The following RPA1 variants were observed in gnomAD, a reference collection of about 807,000 sequenced individuals.
RPA1 encodes replication protein A 70 kDa DNA-binding subunit.
RPA1 carries 49 observed loss-of-function variants against 83.0 expected under a neutral mutation model. The observed-to-expected ratio is 0.59, with a 90% CI of 0.47 to 0.75. RPA1 has a LOEUF of 0.75. RPA1 is among the 30% of genes least tolerant of loss of function. RPA1 has a pLI of 0.00. For missense variants in RPA1, 693 were observed against 776.1 expected (o/e 0.89, Z 1.27); for synonymous variants, 279 against 281.8 (o/e 0.99, Z 0.10).
intron 1 of RPA1, among the ~76,000 whole-genome samples, chr17:1,835,341 G>C: frequency 6.6e-6 from 1 of 151,412 alleles, no homozygotes; most frequent in East Asian, 1.9e-4. Context: ...ATTTTGTGTA[G>C]AGATGGGGTT....
chr17:1,872,721 T>G (rs1380721016), intron 6 of RPA1, among the ~76,000 whole-genome samples, 195 bp downstream of exon 6: 1 of 150,776 alleles, frequency 6.6e-6, no homozygotes, highest in Non-Finnish European at 1.5e-5. Flanking sequence ...TTTTTTTTTT[T>G]TTTTTTTTGG....
intron 12 of RPA1, among the ~76,000 whole-genome samples, chr17:1,881,478 C>T (rs1913795346): frequency 6.6e-6 from 1 of 152,132 alleles, no homozygotes; most frequent in Non-Finnish European, 1.5e-5. Context: ...TTTCATGAAG[C>T]ATCTTCTGGA....
intron 12 of RPA1, among the ~76,000 whole-genome samples, chr17:1,881,545 A>T (rs1456162290): frequency 6.6e-6 from 1 of 152,084 alleles, no homozygotes; most frequent in Admixed American, 6.6e-5. Flanking sequence ...TATCTGCCGA[A>T]CTGCAGGGCC....
intron 7 of RPA1, 23 bp from the exon 8 acceptor site, chr17:1,877,189 A>G (rs373046252): frequency 1.9e-6 from 3 of 1,604,556 alleles, no homozygotes; most frequent in African/African-American, 1.3e-5. Context: ...CCCATACACT[A>G]ATATGATCGA....
In RPA1 at chr17:1,888,797, C is replaced by T. The variant is rs113136393; in HGVS notation, c.1497C>T (p.Arg499=). Residue 499 remains arginine (R), a synonymous_variant, in exon 14 of 17, where the codon CGC becomes CGT. Coordinates refer to ENST00000254719, the MANE Select transcript of RPA1 (RefSeq NM_002945.5). ...TTGATCAACAGAATGGATTGTACCG[C>T]TGTGAGAAGTGCGACACCGAATTTC... ...KVIDQQNGLY[R]CEKCDTEFPN... is the part of the protein sequence containing the mutation. 12 of 1,614,070 alleles carry T rather than the reference C, an allele frequency of 7.4e-6. No homozygotes were observed. In the Admixed American group the frequency reaches 1.5e-4, roughly 20 times the overall value.
intron 11 of RPA1, 30 bp from the exon 12 acceptor site, chr17:1,880,513 A>G (rs755333076): frequency 6.2e-7 from 1 of 1,606,050 alleles, no homozygotes; most frequent in South Asian, 1.1e-5. Flanking sequence ...TGCTAGTGAC[A>G]CTTGTATATG....
chr17:1,877,385 G>C, intron 8 of RPA1, 71 bp downstream of exon 8: 1 of 1,337,396 alleles, frequency 7.5e-7, no homozygotes, highest in Non-Finnish European at 1.1e-6. Flanking sequence ...GCTCTGCGGA[G>C]GGCAGTGGGC....
At chr17:1,874,831 T>A (rs1041199584) in intron 6 of RPA1, among the ~76,000 whole-genome samples, 2 of 152,214 alleles carry the variant, frequency 1.3e-5, no homozygotes, top group Admixed American at 1.3e-4. Flanking sequence ...GCACATGCCG[T>A]GGAAACCCAG....
intron 4 of RPA1, among the ~76,000 whole-genome samples, chr17:1,845,773 A>G (rs1304820458): frequency 6.6e-6 from 1 of 152,098 alleles, no homozygotes; most frequent in Non-Finnish European, 1.5e-5. Flanking sequence ...TCTACGAAAA[A>G]AAGGAAAAGT....
Position 1,844,608 on chromosome 17 carries a change from T to G in RPA1, c.194T>G (p.Leu65Arg). 6.2e-7 allele frequency: 1 copy of G among 1,613,658 alleles called. No homozygotes were observed. The highest frequency in any genetic ancestry group is 8.5e-7 in the Non-Finnish European group (1 of 1,179,856). The change falls in exon 4 of 17, where the codon CTC (leucine) becomes CGC (arginine). Residue 65 changes from leucine (L) to arginine (R), a missense_variant. Leu to Arg is a moderately radical substitution (Grantham distance 102). Transcript: ENST00000254719. Reference protein sequence around the residue: ...SFMLATQLNPLVEEEQLSSNC... With the variant: ...SFMLATQLNPRVEEEQLSSNC... The stretch of plus-strand genomic sequence containing the variant: ...ATGTTGGCGACACAGTTGAACCCTC[T>G]CGTGGAGGAAGAACAATTGTCCAGC...
intron 13 of RPA1, among the ~76,000 whole-genome samples, chr17:1,885,474 CT>C (rs145276251): frequency 5.4e-4 from 81 of 149,240 alleles, no homozygotes; most frequent in Non-Finnish European, 9.1e-4. Flanking sequence ...ATGAATGTTC[CT>C]TTTTTTTTTA....
At chr17:1,862,194 ATTTTTTTTTT>A (rs57509401) in intron 5 of RPA1, among the ~76,000 whole-genome samples, 41,012 of 95,358 alleles carry the variant, frequency 0.43, 8,660 homozygotes, top group Non-Finnish European at 0.54. Context: ...CCCCAACCGT[ATTTTTTTTTT>A]TTTTTTTTTT....
chr17:1,867,042 G>A (rs1167290949), intron 5 of RPA1, among the ~76,000 whole-genome samples: 1 of 152,130 alleles, frequency 6.6e-6, no homozygotes, highest in Non-Finnish European at 1.5e-5. Flanking sequence ...GCTCTTTCTA[G>A]AACTGGAACC....
Position 1,879,211 on chromosome 17 carries a change from G to T in RPA1, c.760-4G>T. 1.9e-6 allele frequency: 3 copies of T among 1,612,498 alleles called. No individual in the cohort carries two copies. Among genetic ancestry groups the T allele is most frequent in the Non-Finnish European group, 2.5e-6 (3 of 1,178,984 alleles). On this transcript the variant is annotated splice_polypyrimidine_tract_variant and splice_region_variant and intron_variant, in intron 9 of 16. Coordinates refer to ENST00000254719, the MANE Select transcript of RPA1 (RefSeq NM_002945.5). Reference sequence around the variant, plus strand: ...CAGGTTCTGTGGCTTGGCCTCCTTCGCAGGTGTATTATTTCTCGAAAGGCA... The same window carrying T: ...CAGGTTCTGTGGCTTGGCCTCCTTCTCAGGTGTATTATTTCTCGAAAGGCA...
rs915740370 is a variant in RPA1, at chr17:1,898,859, C to G, written c.*1684C>G. 1 of 152,500 alleles carries G rather than the reference C, an allele frequency of 6.6e-6. No individual in the cohort carries two copies. Among genetic ancestry groups the G allele is most frequent in the African/African-American group, 2.4e-5 (1 of 41,452 alleles). 9.4% of individuals were successfully genotyped at this position (152,500 alleles called of 1,614,324 possible). ...TCTGACCTTGCTTATAAAGCATCGA[C>G]GAGAAAATTACAGTCTTCAACCCTC... On this transcript the variant is annotated 3_prime_UTR_variant, in exon 17 of 17. Transcript: ENST00000254719.
At position 1,897,214 on chromosome 17, in the gene RPA1, C is replaced by A; in HGVS notation, c.*39C>A. Reference sequence around the variant, plus strand: ...AATCGGGCAGAAGTTTGCAAATAGGCAGAATGGAATCGATTTCCTCCCACC... The same window carrying A: ...AATCGGGCAGAAGTTTGCAAATAGGAAGAATGGAATCGATTTCCTCCCACC... On this transcript the variant is annotated 3_prime_UTR_variant, in exon 17 of 17. Coordinates refer to ENST00000254719, the MANE Select transcript of RPA1 (RefSeq NM_002945.5). 3 of 1,444,914 alleles carry A rather than the reference C, an allele frequency of 2.1e-6. No homozygotes were observed. Among genetic ancestry groups the A allele is most frequent in the South Asian group, 2.5e-5 (2 of 78,762 alleles). The allele number at this position is 1,444,914 out of a possible 1,614,324, so 89.5% of individuals were successfully genotyped here.
At chr17:1,890,547 C>T (rs977084649) in intron 14 of RPA1, among the ~76,000 whole-genome samples, 4 of 152,100 alleles carry the variant, frequency 2.6e-5, no homozygotes, top group Non-Finnish European at 5.9e-5. Context: ...CCTGCAGTCC[C>T]AGCTACTAGG....
chr17:1,876,121 T>C (rs1397385668), intron 7 of RPA1, among the ~76,000 whole-genome samples: 1 of 152,254 alleles, frequency 6.6e-6, no homozygotes, highest in Non-Finnish European at 1.5e-5. Context: ...TTTCTGATAA[T>C]TCAAAAGGCA....
chr17:1,891,609 G>A lies in RPA1; in HGVS notation c.1552-224G>A, dbSNP rs185243189. On this transcript the variant is annotated intron_variant, in intron 14 of 16. Transcript: ENST00000254719. ...TAATTTTTGTATTTTTCGTAGAGACGGAGTTTCACCATGTTGGCCAGGCTG... is the reference window on the plus strand; with the variant it reads ...TAATTTTTGTATTTTTCGTAGAGACAGAGTTTCACCATGTTGGCCAGGCTG... The A allele has an allele frequency of 2.2e-3, 636 of 284,758 alleles. 2 individuals are homozygous for A. The highest frequency in any genetic ancestry group is 0.013 in the African/African-American group (582 of 46,158). The allele number at this position is 284,758 out of a possible 1,614,324, so 17.6% of individuals were successfully genotyped here.
Sources: gnomAD v4.1 joint callset for allele counts (sites outside exome capture counted in the v4.1 genomes callset) on GRCh38, gnomAD v4.1.1 for gene constraint, MANE v1.5 for transcripts, NCBI Gene and HGNC (gene_info 2026-07-23, HGNC 2026-07-21) for gene names.